Variants in RUBCNL observed in about 807,000 individuals in gnomAD.
RUBCNL encodes the protein protein associated with UVRAG as autophagy enhancer.
RUBCNL carries 62 observed loss-of-function variants against 69.5 expected under a neutral mutation model. The ratio of observed to expected loss-of-function variants is 0.89; its 90% CI spans 0.73 to 1.10. The LOEUF (loss-of-function observed/expected upper bound fraction) is 1.10. Ranked by LOEUF, RUBCNL falls within the 50% of genes least tolerant of loss-of-function variation. The pLI, the probability that RUBCNL is intolerant of heterozygous loss-of-function variation, is 0.00. For missense variants in RUBCNL, 768 were observed against 798.1 expected (o/e 0.96, Z 0.45); for synonymous variants, 291 against 303.6 (o/e 0.96, Z 0.43).
rs148951670 is a variant in RUBCNL, at chr13:46,343,497, G to A, written c.1877C>T (p.Ala626Val). ...CTGTTTGTGAAAGCAAGCCCTGCAC[G>A]CTGCAAGCAAGGAAGAGAGCCGTTA... is the stretch of plus-strand genomic sequence containing the variant. ...FQTATCRRCS[A>V]CRACFHKQCF... is the part of the protein sequence containing the mutation. Residue 626 changes from alanine to valine, a missense_variant and splice_region_variant, in exon 15 of 15, where the codon GCG becomes GTG. Ala to Val is a moderately conservative substitution (Grantham distance 64). Coordinates refer to ENST00000429979, the MANE Select transcript of RUBCNL (RefSeq NM_025113.5). 3.8e-5 allele frequency: 61 copies of A among 1,611,818 alleles called. No homozygotes were observed. The African/African-American group carries it at 4.3e-4, about 11-fold the overall frequency.
chr13:46,386,502 G>A (rs888237871), intron 1 of RUBCNL, among the ~76,000 whole-genome samples: 1 of 147,318 alleles, frequency 6.8e-6, no homozygotes, highest in Non-Finnish European at 1.5e-5. Flanking sequence ...ACAGCATCAA[G>A]TTCGCAGGGG....
intron 12 of RUBCNL, among the ~76,000 whole-genome samples, chr13:46,348,805 T>C (rs1213346919): frequency 6.6e-6 from 1 of 152,120 alleles, no homozygotes; most frequent in East Asian, 1.9e-4. Context: ...AGTTTCACCA[T>C]GTTGGCCAGG....
At position 46,365,301 on chromosome 13, in the gene RUBCNL, TC is replaced by T. The variant is rs1208966775; in HGVS notation, c.827-2089del. Among the ~76,000 whole-genome samples the T allele has an allele frequency of 9.9e-4, 61 of 61,850 alleles. No individual in the cohort carries two copies. The Middle Eastern group carries it at 0.049, about 49-fold the overall frequency. The allele number at this position is 61,850 out of a possible 152,430, so 40.6% of individuals were successfully genotyped here. On this transcript the variant is annotated intron_variant, in intron 5 of 14. Transcript: ENST00000429979. ...CTGGGCAACAGAGAAAGACTCCATC[TC>T]AAAAAAAAAAAAAAAAAAAAAAAAT...
rs989752451 is a variant in RUBCNL, at chr13:46,337,604, T to G, written c.*5781A>C. 2.0e-5 allele frequency among the ~76,000 whole-genome samples: 3 copies of G among 152,150 alleles called. No individual in the cohort carries two copies. The highest frequency in any genetic ancestry group is 2.9e-5 in the Non-Finnish European group (2 of 68,022). On this transcript the variant is annotated 3_prime_UTR_variant, in exon 15 of 15. Coordinates refer to ENST00000429979, the MANE Select transcript of RUBCNL (RefSeq NM_025113.5). The stretch of plus-strand genomic sequence containing the variant: ...ACTGTTAGCAGTAAGTTTCTGTTGT[T>G]TATTATCCACCTAGCGTAAGGTATT...
rs1326530656 is a variant in RUBCNL, at chr13:46,356,566, A to C, written c.1266-70T>G. On this transcript the variant is annotated intron_variant, in intron 9 of 14. Transcript: ENST00000429979. ...TGGCACATTTTTCACTAATTAGAAA[A>C]GAAATTGCCATCGTGATACTTTTCT... 3 of 1,329,850 alleles carry C rather than the reference A, an allele frequency of 2.3e-6. No homozygotes were observed. The African/African-American group carries it at 4.4e-5, about 19-fold the overall frequency. 82.4% of individuals were successfully genotyped at this position (1,329,850 alleles called of 1,614,324 possible).
At position 46,341,280 on chromosome 13, in the gene RUBCNL, AG is replaced by A. The variant is rs1227812078; in HGVS notation, c.*2104del. Among the ~76,000 whole-genome samples, 5 of 152,220 alleles carry A rather than the reference AG, an allele frequency of 3.3e-5. No homozygotes were observed. The highest frequency in any genetic ancestry group is 7.3e-5 in the Non-Finnish European group (5 of 68,028). On this transcript the variant is annotated 3_prime_UTR_variant, in exon 15 of 15. Transcript: ENST00000429979. Reference sequence around the variant, plus strand: ...GCATTCATCTTCTTTCCGGCAGCCAAGGAAGAGTTGAACAGAAAACCCACAC... The same window carrying A: ...GCATTCATCTTCTTTCCGGCAGCCAAGAAGAGTTGAACAGAAAACCCACAC...
At chr13:46,353,577 A>T (rs2048416905) in intron 10 of RUBCNL, among the ~76,000 whole-genome samples, 1 of 152,198 alleles carries the variant, frequency 6.6e-6, no homozygotes, top group South Asian at 2.1e-4. Flanking sequence ...CGCCATTTTC[A>T]GTGGCCACTG....
At chr13:46,368,297 A>G (rs907990862) in intron 4 of RUBCNL, 48 bp from the exon 5 acceptor site, 1 of 1,548,042 alleles carries the variant, frequency 6.5e-7, no homozygotes, top group Non-Finnish European at 8.8e-7. Context: ...CAACTTTTTC[A>G]TGGAGGGTAT....
chr13:46,355,586 C>T (rs938369083), intron 10 of RUBCNL, among the ~76,000 whole-genome samples: 1 of 152,208 alleles, frequency 6.6e-6, no homozygotes, highest in African/African-American at 2.4e-5. Context: ...GTGGGAGACA[C>T]CGTGCCTGGC....
chr13:46,366,224 C>G (rs2048752022), intron 5 of RUBCNL, among the ~76,000 whole-genome samples: 1 of 152,168 alleles, frequency 6.6e-6, no homozygotes, highest in East Asian at 1.9e-4. Context: ...TCTGACCAAC[C>G]AGTTATGGAC....
Position 46,368,160 on chromosome 13 carries a change from G to A in RUBCNL, c.708C>T (p.Ser236=), listed in dbSNP as rs1200883711. The change falls in exon 5 of 15, where the codon AGC becomes AGT. Residue 236 remains serine, a synonymous_variant. Coordinates refer to ENST00000429979, the MANE Select transcript of RUBCNL (RefSeq NM_025113.5). ...CNILSQQQTE[S]WSKEVSGLLG... ...GTAACCCACTGACTTCTTTACTCCAGCTCTCTGTCTGCTGTTGACTCAGAA... is the reference window on the plus strand; with the variant it reads ...GTAACCCACTGACTTCTTTACTCCAACTCTCTGTCTGCTGTTGACTCAGAA... The A allele has an allele frequency of 6.2e-7, 1 of 1,613,876 alleles. No individual in the cohort carries two copies. Among genetic ancestry groups the A allele is most frequent in the East Asian group, 2.2e-5 (1 of 44,872 alleles).
rs1279711458 is a variant in RUBCNL at position 46,350,236 on chromosome 13, C to G, written c.1446G>C (p.Lys482Asn). 1 of 1,592,566 alleles carries G rather than the reference C, an allele frequency of 6.3e-7. No individual in the cohort carries two copies. The highest frequency in any genetic ancestry group is 8.6e-7 in the Non-Finnish European group (1 of 1,169,194). The change falls in exon 11 of 15, where the codon AAG becomes AAC. Residue 482 changes from lysine to asparagine, a missense_variant. Lys to Asn is a moderately conservative substitution (Grantham distance 94). Coordinates refer to ENST00000429979, the MANE Select transcript of RUBCNL (RefSeq NM_025113.5). ...TGGAGAAATTGCTGACGTAGTACTTCTTGAAGTCCCACATCATCAGGATTC... is the reference window on the plus strand; with the variant it reads ...TGGAGAAATTGCTGACGTAGTACTTGTTGAAGTCCCACATCATCAGGATTC... ...PARILMMWDF[K>N]KYYVSNFSKQ...
Position 46,344,787 on chromosome 13 carries a change from C to A in RUBCNL, c.1830G>T (p.Thr610=). The A allele has an allele frequency of 1.9e-6, 3 of 1,611,886 alleles. No homozygotes were observed. The highest frequency in any genetic ancestry group is 2.5e-6 in the Non-Finnish European group (3 of 1,178,934). The change falls in exon 14 of 15, where the codon ACG becomes ACT. Residue 610 remains threonine (T), a synonymous_variant. Transcript: ENST00000429979. ...CTGTCTGAAATGGGAAGATGACAGT[C>A]GTATTCTGGCAAAATTCACAAATAA... ...KGFICEFCQN[T]TVIFPFQTAT...
At chr13:46,344,137 G>A (rs944022556) in intron 14 of RUBCNL, among the ~76,000 whole-genome samples, 4 of 152,154 alleles carry the variant, frequency 2.6e-5, no homozygotes, top group African/African-American at 4.8e-5. Context: ...TTGCTGGGGA[G>A]CCAGTCCTGC....
chr13:46,389,849 C>T (rs990539382), upstream of RUBCNL: 3 of 152,244 alleles, frequency 2.0e-5, no homozygotes, highest in South Asian at 4.1e-4. The surrounding 1 kb of genome is among the most constrained non-coding windows in gnomAD (Gnocchi z 4.2). Flanking sequence ...AATGCTGAGG[C>T]GTGGACTTTC....
At chr13:46,349,393 G>T in intron 11 of RUBCNL, 46 bp from the exon 12 acceptor site, 1 of 1,529,504 alleles carries the variant, frequency 6.5e-7, no homozygotes, top group Non-Finnish European at 9.1e-7. Context: ...TGTAATAAAT[G>T]ACACGGGAAA....
At chr13:46,377,378 C>T (rs2049017883) in intron 2 of RUBCNL, among the ~76,000 whole-genome samples, 1 of 152,210 alleles carries the variant, frequency 6.6e-6, no homozygotes, top group Non-Finnish European at 1.5e-5. Flanking sequence ...ATTCTCATGC[C>T]TCAGCCTCCC....
chr13:46,367,301 T>C (rs902452703), intron 5 of RUBCNL, among the ~76,000 whole-genome samples: 10 of 152,148 alleles, frequency 6.6e-5, no homozygotes, highest in African/African-American at 2.4e-4. Context: ...ACACCCTGCA[T>C]ACTGTTGATG....
At chr13:46,370,550 T>C (rs1055097780) in intron 3 of RUBCNL, among the ~76,000 whole-genome samples, 2 of 152,216 alleles carry the variant, frequency 1.3e-5, no homozygotes, top group African/African-American at 2.4e-5. Flanking sequence ...TTAAGAGATA[T>C]TCTCAAAACA....
Sources: allele counts gnomAD v4.1 joint callset (sites outside exome capture counted in the v4.1 genomes callset), GRCh38; gene constraint gnomAD v4.1.1; non-coding constraint Gnocchi (gnomAD v3.1); transcripts MANE v1.5; gene names NCBI Gene and HGNC (gene_info 2026-07-23, HGNC 2026-07-21).